GFRA1: variants seen among roughly 807,000 people sequenced by gnomAD.
GFRA1 encodes GDNF family receptor alpha-1.
Under a neutral mutation model 51.6 loss-of-function variants are expected in GFRA1, and 16 were observed. That is an observed-to-expected ratio of 0.31 (90% CI 0.21 to 0.47). The LOEUF is 0.47. Among genes scored for constraint, GFRA1 ranks in the 20% least tolerant of loss-of-function variants. The pLI, the probability that GFRA1 is intolerant of heterozygous loss-of-function variation, is 1.00. For missense variants in GFRA1, 530 were observed against 594.3 expected (o/e 0.89, Z 1.13); for synonymous variants, 270 against 241.3 (o/e 1.12, Z -1.10).
intron 5 of GFRA1, among the ~76,000 whole-genome samples, chr10:116,169,831 A>T (rs1292344356): frequency 6.6e-6 from 1 of 152,094 alleles, no homozygotes; most frequent in African/African-American, 2.4e-5. Context: ...TGTCACAGTG[A>T]CCCTCCACTG....
rs1195549282 is a variant in GFRA1 at position 116,211,615 on chromosome 10, G to T, written c.433+16C>A. On this transcript the variant is annotated intron_variant, in intron 5 of 10. Transcript: ENST00000355422. The stretch of plus-strand genomic sequence containing the variant: ...GCACAGCCAGTGAAAAAGCAGGCAG[G>T]AAACAGTGAACTTACCTTGCTGAAA... 1.3e-6 allele frequency: 2 copies of T among 1,549,356 alleles called. No individual in the cohort carries two copies. The highest frequency in any genetic ancestry group is 2.7e-5 in the African/African-American group (2 of 72,970).
intron 9 of GFRA1, among the ~76,000 whole-genome samples, chr10:116,067,480 C>T (rs1029498199): frequency 1.2e-4 from 18 of 152,268 alleles, no homozygotes; most frequent in African/African-American, 4.1e-4. Flanking sequence ...AGCCAAGTTG[C>T]GCCTGAGTGT....
chr10:116,207,715 AT>A (rs1964888416), intron 5 of GFRA1, among the ~76,000 whole-genome samples: 2 of 152,288 alleles, frequency 1.3e-5, no homozygotes, highest in South Asian at 4.1e-4. Flanking sequence ...ATATAGGAAT[AT>A]TTTAATAATG....
At position 116,058,530 on chromosome 10, in the gene GFRA1, G is replaced by C. The variant is rs1320186888; in HGVS notation, c.*5868C>G. On this transcript the variant is annotated 3_prime_UTR_variant, in exon 11 of 11. Transcript: ENST00000355422. ...TGTGTTTGCCTTCTCTATCATGGAA[G>C]AGCTGGATTTGCCATTGTTTGCACG... is the stretch of plus-strand genomic sequence containing the variant. The C allele has an allele frequency of 6.6e-6, 1 of 152,272 alleles. No individual in the cohort carries two copies. The highest frequency in any genetic ancestry group is 1.5e-5 in the Non-Finnish European group (1 of 68,112). 9.4% of individuals were successfully genotyped at this position (152,272 alleles called of 1,614,324 possible).
intron 4 of GFRA1, among the ~76,000 whole-genome samples, chr10:116,267,358 C>T (rs747794852): frequency 3.9e-5 from 6 of 151,954 alleles, no homozygotes; most frequent in East Asian, 1.9e-4. Context: ...CCCAGCTACT[C>T]GGGAGGCTGA....
chr10:116,222,191 CTTTATTTA>C (rs1025448102), intron 4 of GFRA1, among the ~76,000 whole-genome samples: 1 of 151,926 alleles, frequency 6.6e-6, no homozygotes, highest in African/African-American at 2.4e-5. Context: ...TTCTTTTCTT[CTTTATTTA>C]TTTATTTATT....
chr10:116,173,470 C>CGCCA (rs1456537372), intron 5 of GFRA1, among the ~76,000 whole-genome samples: 3 of 152,174 alleles, frequency 2.0e-5, no homozygotes, highest in Non-Finnish European at 4.4e-5. Context: ...TTCCTAGTTC[C>CGCCA]GCCATTTCTC....
chr10:116,171,374 GAA>G (rs1961006023), intron 5 of GFRA1, among the ~76,000 whole-genome samples: 1 of 152,094 alleles, frequency 6.6e-6, no homozygotes, highest in Admixed American at 6.5e-5. Flanking sequence ...CTGTACCAAA[GAA>G]AAAGAGTAGC....
chr10:116,188,955 T>C (rs985009906), intron 5 of GFRA1, among the ~76,000 whole-genome samples: 1 of 149,818 alleles, frequency 6.7e-6, no homozygotes, highest in Admixed American at 6.7e-5. Context: ...TATCACAATT[T>C]AAAAAAAATA....
intron 5 of GFRA1, among the ~76,000 whole-genome samples, chr10:116,195,513 T>C (rs917777542): frequency 6.6e-6 from 1 of 152,218 alleles, no homozygotes; most frequent in East Asian, 1.9e-4. Flanking sequence ...ATTCCTCACA[T>C]GTGCAGTTCA....
intron 7 of GFRA1, 148 bp from the exon 8 acceptor site, chr10:116,093,984 C>CATT (rs1375525301): frequency 1.3e-6 from 1 of 745,272 alleles, no homozygotes; most frequent in African/African-American, 1.8e-5. Context: ...TTAAGCAGTG[C>CATT]ATTTTCTCGG....
chr10:116,273,054 C>CA (rs1844076368), intron 1 of GFRA1, 109 bp downstream of exon 1: 1 of 151,926 alleles, frequency 6.6e-6, no homozygotes, highest in Non-Finnish European at 1.5e-5. Flanking sequence ...GAGACGCCAG[C>CA]AAAAAGAAAG....
At chr10:116,069,871 C>A (rs1463646258) in intron 9 of GFRA1, among the ~76,000 whole-genome samples, 1 of 152,178 alleles carries the variant, frequency 6.6e-6, no homozygotes, top group East Asian at 1.9e-4. Flanking sequence ...GTCAGGCTTG[C>A]GAGCAGCATG....
At chr10:116,191,285 T>C (rs547491205) in intron 5 of GFRA1, among the ~76,000 whole-genome samples, 2 of 152,342 alleles carry the variant, frequency 1.3e-5, no homozygotes, top group South Asian at 2.1e-4. Context: ...TACAGGTAGA[T>C]GTAATCACCA....
chr10:116,250,585 G>A (rs1589911021), intron 4 of GFRA1, among the ~76,000 whole-genome samples: 1 of 152,326 alleles, frequency 6.6e-6, no homozygotes, highest in East Asian at 1.9e-4. Context: ...AAGTGCAACA[G>A]GGCAAAGCTG....
intron 6 of GFRA1, among the ~76,000 whole-genome samples, chr10:116,112,927 A>C (rs554844002): frequency 3.0e-4 from 46 of 152,298 alleles, no homozygotes; most frequent in African/African-American, 1.1e-3. Flanking sequence ...TCTTGGTTCA[A>C]CGAGACCTCA....
intron 9 of GFRA1, among the ~76,000 whole-genome samples, chr10:116,072,170 G>GT (rs757146047): frequency 4.6e-5 from 7 of 151,234 alleles, no homozygotes; most frequent in Non-Finnish European, 8.8e-5. Flanking sequence ...AGTGATTTAT[G>GT]TAATATTTAG....
At chr10:116,198,757 G>A (rs1172418753) in intron 5 of GFRA1, among the ~76,000 whole-genome samples, 5 of 152,110 alleles carry the variant, frequency 3.3e-5, no homozygotes, top group African/African-American at 7.2e-5. Flanking sequence ...TTTATTGTGG[G>A]CCACCCAGGT....
intron 4 of GFRA1, among the ~76,000 whole-genome samples, chr10:116,261,714 A>C (rs1650585239): frequency 2.6e-5 from 4 of 152,250 alleles, no homozygotes; most frequent in African/African-American, 9.6e-5. Flanking sequence ...GCTAGAAAGA[A>C]AAATAGTTGC....
Sources: gnomAD v4.1 joint callset for allele counts (sites outside exome capture counted in the v4.1 genomes callset) on GRCh38, gnomAD v4.1.1 for gene constraint, MANE v1.5 for transcripts, NCBI Gene and HGNC (gene_info 2026-07-23, HGNC 2026-07-21) for gene names.